CCDC152: variants seen among roughly 807,000 people sequenced by gnomAD.
CCDC152 encodes coiled-coil domain-containing protein 152.
Under a neutral mutation model 38.1 loss-of-function variants are expected in CCDC152, and 37 were observed. That is an observed-to-expected ratio of 0.97 (90% CI 0.75 to 1.28). CCDC152 has a LOEUF of 1.28. Ranked by LOEUF, CCDC152 falls within the 50% of genes most tolerant of loss-of-function variation. The pLI is 0.00. For synonymous variants in CCDC152, 83 were observed against 87.1 expected, an observed-to-expected ratio of 0.95 and a Z score of 0.26; for missense variants, 259 against 292.1, an observed-to-expected ratio of 0.89 and a Z score of 0.83.
At chr5:42,759,045 T>G in intron 1 of CCDC152, 75 bp from the exon 2 acceptor site, 136 of 1,014,456 alleles carry the variant, frequency 1.3e-4, no homozygotes, top group Non-Finnish European at 1.8e-4. Flanking sequence ...TGTTAGTATT[T>G]GAGCTATGAA....
intron 1 of CCDC152, among the ~76,000 whole-genome samples, chr5:42,757,278 TGAGGG>T (rs1440286944): frequency 6.6e-6 from 1 of 151,784 alleles, no homozygotes; most frequent in Non-Finnish European, 1.5e-5. Context: ...AGTGAATTCT[TGAGGG>T]GAGGTGAGGA....
At chr5:42,762,962 T>C (rs1759574758) in intron 3 of CCDC152, among the ~76,000 whole-genome samples, 1 of 152,242 alleles carries the variant, frequency 6.6e-6, no homozygotes, top group Non-Finnish European at 1.5e-5. Context: ...ATTGATTTGC[T>C]CTGTCATCTG....
Position 42,801,065 on chromosome 5 carries a change from T to C in CCDC152, c.*1284T>C. The C allele has an allele frequency of 6.2e-7, 1 of 1,614,210 alleles. No homozygotes were observed. Among genetic ancestry groups the C allele is most frequent in the Non-Finnish European group, 8.5e-7 (1 of 1,180,016 alleles). ...GCTTCTTTTGTAAATCTTGTAAATC[T>C]TCACTTGCTGGCATATCTCGGTTCT... On this transcript the variant is annotated 3_prime_UTR_variant, in exon 9 of 9. Coordinates refer to ENST00000361970, the MANE Select transcript of CCDC152 (RefSeq NM_001134848.2).
chr5:42,793,618 G>A lies in CCDC152; in HGVS notation c.431-3211G>A, dbSNP rs572659024. ...AAAGAACTTGGGGAATTTTCTTTTT[G>A]TTTTTTTGGAGACACAGTCTCACTC... On this transcript the variant is annotated intron_variant, in intron 6 of 8. Coordinates refer to ENST00000361970, the MANE Select transcript of CCDC152 (RefSeq NM_001134848.2). Among the ~76,000 whole-genome samples the A allele has an allele frequency of 1.3e-5, 2 of 152,020 alleles. 1 individual carries two copies. The highest frequency in any genetic ancestry group is 4.8e-5 in the African/African-American group (2 of 41,502).
At chr5:42,790,655 T>G (rs1759986607) in intron 6 of CCDC152, among the ~76,000 whole-genome samples, 1 of 152,122 alleles carries the variant, frequency 6.6e-6, no homozygotes, top group Non-Finnish European at 1.5e-5. Context: ...TTAACCTCTG[T>G]GAAGAAGAGA....
intron 7 of CCDC152, among the ~76,000 whole-genome samples, chr5:42,798,927 G>C (rs1181643680): frequency 1.3e-5 from 2 of 152,144 alleles, no homozygotes; most frequent in Non-Finnish European, 2.9e-5. Context: ...CCTGCAGAAA[G>C]CTAGGTGAGG....
At chr5:42,781,783 G>T (rs1759850700) in intron 5 of CCDC152, among the ~76,000 whole-genome samples, 1 of 152,008 alleles carries the variant, frequency 6.6e-6, no homozygotes. Flanking sequence ...GGAACACAAT[G>T]GTGAGTCCCA....
chr5:42,780,371 G>T (rs548724301), intron 5 of CCDC152, among the ~76,000 whole-genome samples: 1 of 152,012 alleles, frequency 6.6e-6, no homozygotes, highest in African/African-American at 2.4e-5. Context: ...ATTTTGAGAT[G>T]GTTTTTAAGT....
chr5:42,799,728 G>C lies in CCDC152; in HGVS notation c.712G>C (p.Glu238Gln). 1 of 1,551,314 alleles carries C rather than the reference G, an allele frequency of 6.4e-7. No individual in the cohort carries two copies. Among genetic ancestry groups the C allele is most frequent in the Non-Finnish European group, 8.7e-7 (1 of 1,146,830 alleles). The stretch of plus-strand genomic sequence containing the variant: ...TCTTCGTAATACCATTCGCGATTTA[G>C]AGCAACGCCTTTCTGTTGGCAAAGA... ...AILRNTIRDL[E>Q]QRLSVGKDSH... is the part of the protein sequence containing the mutation. Residue 238 changes from glutamate (E) to glutamine (Q), a missense_variant, in exon 9 of 9, where the codon GAG becomes CAG. Coordinates refer to ENST00000361970, the MANE Select transcript of CCDC152 (RefSeq NM_001134848.2).
intron 3 of CCDC152, among the ~76,000 whole-genome samples, chr5:42,768,094 C>T (rs1759649376): frequency 6.6e-6 from 1 of 152,124 alleles, no homozygotes. Context: ...TAAACTTCTG[C>T]AAAATACTCT....
intron 6 of CCDC152, among the ~76,000 whole-genome samples, chr5:42,787,190 A>G (rs1334489105): frequency 6.6e-6 from 1 of 152,012 alleles, no homozygotes; most frequent in African/African-American, 2.4e-5. Context: ...ATTAAAGTCC[A>G]GAGTTTCTTT....
At position 42,768,555 on chromosome 5, in the gene CCDC152, A is replaced by C. The variant is rs140123904; in HGVS notation, c.194-1042A>C. Among the ~76,000 whole-genome samples, 491 of 152,318 alleles carry C rather than the reference A, an allele frequency of 3.2e-3. 1 individual carries two copies. Among genetic ancestry groups the C allele is most frequent in the Non-Finnish European group, 5.0e-3 (340 of 68,026 alleles). On this transcript the variant is annotated intron_variant, in intron 3 of 8. Transcript: ENST00000361970. ...ATTTGCAATGAAACTTCTATCTTCTATTATGTCAGCAGCCATTGGCAGCAC... is the reference window on the plus strand; with the variant it reads ...ATTTGCAATGAAACTTCTATCTTCTCTTATGTCAGCAGCCATTGGCAGCAC...
intron 1 of CCDC152, among the ~76,000 whole-genome samples, chr5:42,757,155 G>C (rs1466738706): frequency 6.6e-6 from 1 of 152,074 alleles, no homozygotes; most frequent in Non-Finnish European, 1.5e-5. Context: ...TTTTGTCTCA[G>C]GCACTTCTCT....
At chr5:42,762,884 A>G (rs960139871) in intron 3 of CCDC152, among the ~76,000 whole-genome samples, 1 of 152,246 alleles carries the variant, frequency 6.6e-6, no homozygotes, top group Non-Finnish European at 1.5e-5. Flanking sequence ...TTTCTACCTT[A>G]TAATTACATC....
chr5:42,783,633 G>T, intron 6 of CCDC152, 57 bp downstream of exon 6: 2 of 842,332 alleles, frequency 2.4e-6, no homozygotes, highest in Non-Finnish European at 3.2e-6. Context: ...TAATGTGTGG[G>T]TTTGTTACAT....
intron 2 of CCDC152, among the ~76,000 whole-genome samples, chr5:42,760,017 T>C (rs947749171): frequency 6.6e-6 from 1 of 152,046 alleles, no homozygotes; most frequent in Non-Finnish European, 1.5e-5. Context: ...AAGCCTACAT[T>C]GTCCAGGCAG....
intron 3 of CCDC152, among the ~76,000 whole-genome samples, chr5:42,764,309 T>C (rs2910863): frequency 0.71 from 107,323 of 151,952 alleles, 38,463 homozygotes; most frequent in East Asian, 0.86. Context: ...ACTCGGGAGA[T>C]TGAGGGAGGA....
chr5:42,764,633 C>T (rs925104818), intron 3 of CCDC152, among the ~76,000 whole-genome samples: 20 of 152,118 alleles, frequency 1.3e-4, no homozygotes, highest in Admixed American at 9.8e-4. Context: ...TGCAAATCAA[C>T]CAATGTGTTA....
rs113764143 is a variant in CCDC152 at position 42,798,001 on chromosome 5, A to G, written c.558+1045A>G. Among the ~76,000 whole-genome samples the G allele has an allele frequency of 7.8e-3, 1,181 of 152,120 alleles. 17 individuals are homozygous for G. Among genetic ancestry groups the G allele is most frequent in the African/African-American group, 0.026 (1,070 of 41,484 alleles). ...GCCTGTACTAAAAAAAAATTACAAAAATTAACTGGGCGTGATGGCAGATGC... is the reference window on the plus strand; with the variant it reads ...GCCTGTACTAAAAAAAAATTACAAAGATTAACTGGGCGTGATGGCAGATGC... On this transcript the variant is annotated intron_variant, in intron 7 of 8. Transcript: ENST00000361970.
Sources: gnomAD v4.1 joint callset for allele counts (sites outside exome capture counted in the v4.1 genomes callset) on GRCh38, gnomAD v4.1.1 for gene constraint, MANE v1.5 for transcripts, NCBI Gene and HGNC (gene_info 2026-07-23, HGNC 2026-07-21) for gene names.